PTPRD: variants seen among roughly 807,000 people sequenced by gnomAD.
PTPRD encodes the protein protein tyrosine phosphatase receptor type D.
Under a neutral mutation model 214.5 loss-of-function variants are expected in PTPRD, and 34 were observed. That is an observed-to-expected ratio of 0.16 (90% CI 0.12 to 0.21). The LOEUF (loss-of-function observed/expected upper bound fraction) is 0.21. Ranked by LOEUF, PTPRD falls within the 10% of genes least tolerant of loss-of-function variation. The pLI, the probability that PTPRD is intolerant of heterozygous loss-of-function variation, is 1.00. For missense variants in PTPRD, 2,545 were observed against 2,398.7 expected (o/e 1.06, Z -1.27); for synonymous variants, 1,128 against 845.7 (o/e 1.33, Z -5.79).
chr9:10,380,859 G>A (rs1374131253), intron 2 of PTPRD, among the ~76,000 whole-genome samples: 3 of 151,760 alleles, frequency 2.0e-5, no homozygotes, highest in Admixed American at 1.3e-4. Context: ...GTGATTAGTC[G>A]ATTATGCTAT....
intron 12 of PTPRD, among the ~76,000 whole-genome samples, chr9:8,671,258 G>A (rs890320844): frequency 6.6e-6 from 1 of 151,872 alleles, no homozygotes; most frequent in African/African-American, 2.4e-5. Flanking sequence ...ATATATGCAA[G>A]GTATCATCCC....
At chr9:9,704,864 G>C (rs1595661262) in intron 7 of PTPRD, among the ~76,000 whole-genome samples, 1 of 152,244 alleles carries the variant, frequency 6.6e-6, no homozygotes, top group African/African-American at 2.4e-5. Flanking sequence ...AAACCATCAA[G>C]AGATATCTGT....
chr9:8,493,124 A>G, intron 26 of PTPRD, 145 bp from the exon 27 acceptor site: 1 of 643,832 alleles, frequency 1.6e-6, no homozygotes, highest in Non-Finnish European at 2.7e-6. Context: ...GCCTGAGCTC[A>G]TGCTATGGAG....
intron 14 of PTPRD, among the ~76,000 whole-genome samples, chr9:8,622,749 C>T (rs767257714): frequency 8.6e-5 from 13 of 151,868 alleles, no homozygotes; most frequent in Non-Finnish European, 1.5e-4. Flanking sequence ...CATCTCCTGA[C>T]ATTTCTAATT....
At chr9:9,239,947 C>G (rs1382715197) in intron 9 of PTPRD, among the ~76,000 whole-genome samples, 1 of 152,130 alleles carries the variant, frequency 6.6e-6, no homozygotes, top group South Asian at 2.1e-4. Context: ...AATTGAGGAC[C>G]ATAACTATGT....
intron 14 of PTPRD, among the ~76,000 whole-genome samples, chr9:8,539,614 A>T (rs1367471289): frequency 6.6e-6 from 1 of 152,068 alleles, no homozygotes; most frequent in Non-Finnish European, 1.5e-5. Flanking sequence ...GTAAAGGGAT[A>T]ATTCAAATTC....
intron 3 of PTPRD, among the ~76,000 whole-genome samples, chr9:10,252,071 A>G (rs1057241367): frequency 6.6e-6 from 1 of 152,222 alleles, no homozygotes; most frequent in Non-Finnish European, 1.5e-5. Flanking sequence ...GTATACATGT[A>G]TTCAAACATC....
At chr9:8,447,821 C>A (rs1031082445) in intron 34 of PTPRD, among the ~76,000 whole-genome samples, 1 of 152,118 alleles carries the variant, frequency 6.6e-6, no homozygotes, top group African/African-American at 2.4e-5. Context: ...ATGTGAAAAA[C>A]AGAGGAAGGA....
chr9:10,488,221 G>A (rs1014222568), intron 2 of PTPRD, among the ~76,000 whole-genome samples: 2 of 151,892 alleles, frequency 1.3e-5, no homozygotes, highest in Non-Finnish European at 2.9e-5. Flanking sequence ...CAAAAAATTA[G>A]CTGGGCGCGG....
intron 8 of PTPRD, among the ~76,000 whole-genome samples, chr9:9,567,945 TC>T (rs1040442728): frequency 6.6e-6 from 1 of 151,678 alleles, no homozygotes; most frequent in Admixed American, 6.6e-5. Context: ...GAAGGCAAAA[TC>T]CCCTTTTTTT....
intron 2 of PTPRD, among the ~76,000 whole-genome samples, chr9:10,524,153 A>G (rs116428790): frequency 4.4e-4 from 67 of 152,140 alleles, no homozygotes; most frequent in African/African-American, 1.6e-3. Context: ...GAAAGGCCTC[A>G]TCTCCAGATG....
chr9:9,032,618 GAA>G (rs5896296), intron 10 of PTPRD, among the ~76,000 whole-genome samples: 17 of 151,188 alleles, frequency 1.1e-4, no homozygotes, highest in Middle Eastern at 3.2e-3. Context: ...ATTGGTGCTA[GAA>G]AAAAAAAATA....
At position 8,389,506 on chromosome 9, in the gene PTPRD, C is replaced by G. The variant is rs568413560; in HGVS notation, c.4211-99G>C. Reference sequence around the variant, plus strand: ...GCAGTGCTATCTTACTGTTCCACCTCACACTAGAGAAGTCACAATATATTG... The same window carrying G: ...GCAGTGCTATCTTACTGTTCCACCTGACACTAGAGAAGTCACAATATATTG... On this transcript the variant is annotated intron_variant, in intron 36 of 45. Coordinates refer to ENST00000381196, the MANE Select transcript of PTPRD (RefSeq NM_002839.4). 3 of 856,440 alleles carry G rather than the reference C, an allele frequency of 3.5e-6. No individual in the cohort carries two copies. In the South Asian group the frequency reaches 6.1e-5, roughly 17 times the overall value. 53.1% of individuals were successfully genotyped at this position (856,440 alleles called of 1,614,324 possible).
intron 39 of PTPRD, among the ~76,000 whole-genome samples, chr9:8,359,321 A>G (rs1218350932): frequency 6.6e-6 from 1 of 151,200 alleles, no homozygotes; most frequent in Non-Finnish European, 1.5e-5. Context: ...AGCAGTTTGA[A>G]TTTTATTATT....
intron 10 of PTPRD, among the ~76,000 whole-genome samples, chr9:9,022,018 A>G (rs2099571624): frequency 6.6e-6 from 1 of 151,974 alleles, no homozygotes; most frequent in Non-Finnish European, 1.5e-5. Flanking sequence ...CAAATAGCTA[A>G]TGCATGCGGG....
chr9:10,545,384 G>C (rs911028729), intron 2 of PTPRD, among the ~76,000 whole-genome samples: 1 of 152,084 alleles, frequency 6.6e-6, no homozygotes, highest in Admixed American at 6.6e-5. Flanking sequence ...ATTTCTTTCA[G>C]ATATTTTAGC....
At chr9:9,049,010 G>A (rs1022468636) in intron 10 of PTPRD, among the ~76,000 whole-genome samples, 9 of 152,186 alleles carry the variant, frequency 5.9e-5, no homozygotes, top group Middle Eastern at 3.4e-3. Flanking sequence ...AAATAAATAT[G>A]TTTACAAAAA....
At chr9:9,564,889 T>C (rs868492336) in intron 8 of PTPRD, among the ~76,000 whole-genome samples, 7 of 103,198 alleles carry the variant, frequency 6.8e-5, no homozygotes, top group African/African-American at 2.6e-4. Context: ...CTTCTGTTTT[T>C]TTTTTTTTTT....
At chr9:10,426,242 G>A (rs1385762619) in intron 2 of PTPRD, among the ~76,000 whole-genome samples, 1 of 151,870 alleles carries the variant, frequency 6.6e-6, no homozygotes, top group African/African-American at 2.4e-5. Flanking sequence ...TTGTTAATGG[G>A]TGCCAAATTA....
Sources: gnomAD v4.1 joint callset for allele counts (sites outside exome capture counted in the v4.1 genomes callset) on GRCh38, gnomAD v4.1.1 for gene constraint, MANE v1.5 for transcripts, NCBI Gene and HGNC (gene_info 2026-07-23, HGNC 2026-07-21) for gene names.